Variants in PDE4B observed in about 807,000 individuals in gnomAD.
The protein encoded by PDE4B is phosphodiesterase 4B.
PDE4B carries 20 observed loss-of-function variants against 82.2 expected under a neutral mutation model. That is an observed-to-expected ratio of 0.24 (90% CI 0.17 to 0.35). The LOEUF (loss-of-function observed/expected upper bound fraction) is 0.35. PDE4B is among the 10% of genes least tolerant of loss of function. PDE4B has a pLI of 1.00. For synonymous variants in PDE4B, 320 were observed against 318.9 expected (o/e 1.00, Z -0.04); for missense variants, 655 against 907.2 (o/e 0.72, Z 3.57).
intron 3 of PDE4B, among the ~76,000 whole-genome samples, chr1:66,085,569 C>A (rs1050686450): frequency 6.6e-6 from 1 of 152,084 alleles, no homozygotes. Context: ...TCATGGAAAG[C>A]AGCTCTCAGA....
At chr1:65,970,931 T>A (rs1650096862) in intron 3 of PDE4B, among the ~76,000 whole-genome samples, 1 of 151,456 alleles carries the variant, frequency 6.6e-6, no homozygotes, top group African/African-American at 2.4e-5. Flanking sequence ...CAGGACGGGA[T>A]CTTGGCTTGA....
intron 7 of PDE4B, among the ~76,000 whole-genome samples, chr1:66,268,688 A>AG (rs1466662428): frequency 8.6e-5 from 13 of 150,714 alleles, no homozygotes; most frequent in Non-Finnish European, 1.9e-4. Context: ...AAAAAAAAAA[A>AG]AAAGAAAGAA....
chr1:66,040,192 A>G (rs898608101), intron 3 of PDE4B, among the ~76,000 whole-genome samples: 2 of 151,960 alleles, frequency 1.3e-5, no homozygotes, highest in African/African-American at 4.8e-5. Flanking sequence ...GCTTTTTGAT[A>G]TGGTTTATGT....
intron 3 of PDE4B, among the ~76,000 whole-genome samples, chr1:66,043,952 A>G (rs1330795879): frequency 6.6e-6 from 1 of 151,956 alleles, no homozygotes; most frequent in Non-Finnish European, 1.5e-5. Context: ...TTTTGAAACT[A>G]AAACAAACAA....
intron 3 of PDE4B, among the ~76,000 whole-genome samples, chr1:66,066,698 G>A (rs1655867090): frequency 6.6e-6 from 1 of 151,826 alleles, no homozygotes; most frequent in South Asian, 2.1e-4. Context: ...TCAACGCCTT[G>A]TATCTTATGT....
chr1:65,822,124 A>C (rs1378934014), intron 1 of PDE4B, among the ~76,000 whole-genome samples: 1 of 151,898 alleles, frequency 6.6e-6, no homozygotes, highest in African/African-American at 2.4e-5. Flanking sequence ...ATTTTGTTTG[A>C]TTTTTATGTA....
intron 7 of PDE4B, among the ~76,000 whole-genome samples, chr1:66,311,595 C>T (rs1419204818): frequency 6.6e-6 from 1 of 152,246 alleles, no homozygotes; most frequent in Non-Finnish European, 1.5e-5. Context: ...GGCTGGGAGC[C>T]TTTGACCTCC....
At chr1:66,358,146 G>A (rs924082567) in intron 9 of PDE4B, among the ~76,000 whole-genome samples, 9 of 152,198 alleles carry the variant, frequency 5.9e-5, no homozygotes, top group African/African-American at 2.2e-4. Context: ...AGGGGACCCA[G>A]AGGGATGAGG....
At chr1:66,240,176 C>T (rs1652781242) in intron 3 of PDE4B, among the ~76,000 whole-genome samples, 1 of 152,242 alleles carries the variant, frequency 6.6e-6, no homozygotes, top group South Asian at 2.1e-4. Flanking sequence ...GTATCACCCA[C>T]AGTCAGTCTT....
chr1:66,272,802 T>G (rs899403596), intron 7 of PDE4B, among the ~76,000 whole-genome samples: 2 of 145,506 alleles, frequency 1.4e-5, no homozygotes, highest in Non-Finnish European at 3.0e-5. Context: ...TTTTTTTTTT[T>G]TTGGAGGGAC....
intron 3 of PDE4B, among the ~76,000 whole-genome samples, chr1:66,047,360 A>G (rs753459327): frequency 3.3e-5 from 5 of 151,900 alleles, no homozygotes; most frequent in Non-Finnish European, 7.4e-5. Flanking sequence ...ATATGAAAAT[A>G]TCTTAGAAGC....
chr1:65,813,891 G>A (rs1645847483), intron 1 of PDE4B, among the ~76,000 whole-genome samples: 3 of 78,410 alleles, frequency 3.8e-5, no homozygotes, highest in East Asian at 5.4e-4. Flanking sequence ...TAGGCACTGC[G>A]GCAAAAAAAA....
intron 1 of PDE4B, among the ~76,000 whole-genome samples, chr1:65,871,570 C>G (rs186955678): frequency 2.0e-5 from 3 of 152,190 alleles, no homozygotes; most frequent in African/African-American, 7.2e-5. Context: ...TAATGCCTGG[C>G]ACATAGCTAA....
chr1:66,327,896 C>G (rs1659845880), intron 7 of PDE4B, among the ~76,000 whole-genome samples: 1 of 152,212 alleles, frequency 6.6e-6, no homozygotes, highest in Non-Finnish European at 1.5e-5. Flanking sequence ...GTGCATCTTT[C>G]AGTGCTAAAC....
chr1:65,921,635 G>T (rs1479659797), intron 3 of PDE4B, among the ~76,000 whole-genome samples: 4 of 152,158 alleles, frequency 2.6e-5, no homozygotes, highest in Admixed American at 1.3e-4. Context: ...CTGTTATATT[G>T]TGAAAGGAGC....
chr1:66,107,074 T>G (rs1570251373), intron 3 of PDE4B, among the ~76,000 whole-genome samples: 1 of 148,158 alleles, frequency 6.7e-6, no homozygotes, highest in African/African-American at 2.4e-5. Flanking sequence ...TGTGGGCATT[T>G]AGTGCTATAA....
intron 7 of PDE4B, among the ~76,000 whole-genome samples, chr1:66,292,322 T>G (rs1657146809): frequency 6.6e-6 from 1 of 152,180 alleles, no homozygotes; most frequent in South Asian, 2.1e-4. Flanking sequence ...GAGATTATCA[T>G]TAGCCCCATT....
chr1:66,023,511 G>A (rs1337599435), intron 3 of PDE4B, among the ~76,000 whole-genome samples: 3 of 152,116 alleles, frequency 2.0e-5, no homozygotes, highest in Admixed American at 1.3e-4. Flanking sequence ...AGAGAAGGAA[G>A]TTGTTTCTGA....
At chr1:66,353,885 C>G (rs911786872) in intron 8 of PDE4B, among the ~76,000 whole-genome samples, 2 of 152,114 alleles carry the variant, frequency 1.3e-5, no homozygotes, top group African/African-American at 2.4e-5. Context: ...GTTCATATTT[C>G]CTAACACACT....
Sources: gnomAD v4.1 joint callset for allele counts (sites outside exome capture counted in the v4.1 genomes callset) on GRCh38, gnomAD v4.1.1 for gene constraint, MANE v1.5 for transcripts, NCBI Gene and HGNC (gene_info 2026-07-23, HGNC 2026-07-21) for gene names.